The following FH variants were observed in gnomAD, a reference collection of about 807,000 sequenced individuals.
FH encodes fumarate hydratase, mitochondrial.
Under a neutral mutation model 49.4 loss-of-function variants are expected in FH, and 22 were observed. The ratio of observed to expected loss-of-function variants is 0.45; its 90% CI spans 0.32 to 0.64. The LOEUF is 0.64. Ranked by LOEUF, FH falls within the 30% of genes least tolerant of loss-of-function variation. The probability of loss-of-function intolerance (pLI) is 0.05; values close to 1 mark genes in which losing one functional copy is unlikely to be tolerated. For synonymous variants in FH, 208 were observed against 223.0 expected (o/e 0.93, Z 0.60); for missense variants, 526 against 641.5 (o/e 0.82, Z 1.95).
At chr1:241,514,230 GT>G (rs2147923439) in intron 2 of FH, among the ~76,000 whole-genome samples, 1 of 152,218 alleles carries the variant, frequency 6.6e-6, no homozygotes, top group East Asian at 1.9e-4. Flanking sequence ...GACTGACTGG[GT>G]TATCATTTCA....
chr1:241,519,254 C>A (rs1660301891), intron 1 of FH: 2 of 281,358 alleles, frequency 7.1e-6, no homozygotes, highest in Non-Finnish European at 1.4e-5. Context: ...GGGCTGGGGG[C>A]CTGCGCGCCA....
At chr1:241,516,020 G>A (rs1660202201) in intron 2 of FH, among the ~76,000 whole-genome samples, 1 of 152,100 alleles carries the variant, frequency 6.6e-6, no homozygotes. Context: ...ATACTTTGAT[G>A]TGTTTGTGTA....
At chr1:241,511,825 T>C in intron 4 of FH, 142 bp downstream of exon 4, 1 of 794,024 alleles carries the variant, frequency 1.3e-6, no homozygotes, top group African/African-American at 1.7e-5. Context: ...CCAAGATTCC[T>C]TCAAGAAATA....
At chr1:241,502,155 C>T (rs188735691) in intron 8 of FH, among the ~76,000 whole-genome samples, 120 of 152,182 alleles carry the variant, frequency 7.9e-4, no homozygotes, top group African/African-American at 2.8e-3. Context: ...TCCAAGAAGA[C>T]TGAATTTGAA....
rs1659658626 is a variant in FH, at chr1:241,497,778, T to G, written c.*50A>C. On this transcript the variant is annotated 3_prime_UTR_variant, in exon 10 of 10. Coordinates refer to ENST00000366560, the MANE Select transcript of FH (RefSeq NM_000143.4). Reference sequence around the variant, plus strand: ...TATCCGTTTTTAAGAAATGGGAGTCTGTTTTTTTAAATTTTATACATGTTT... The same window carrying G: ...TATCCGTTTTTAAGAAATGGGAGTCGGTTTTTTTAAATTTTATACATGTTT... The G allele has an allele frequency of 1.3e-6, 2 of 1,495,376 alleles. No homozygotes were observed. The highest frequency in any genetic ancestry group is 1.8e-6 in the Non-Finnish European group (2 of 1,101,758). 92.6% of individuals were successfully genotyped at this position (1,495,376 alleles called of 1,614,324 possible). A position where few individuals can be genotyped will look rare whatever the true frequency, so the allele number is the denominator to read the frequency against.
intron 5 of FH, among the ~76,000 whole-genome samples, chr1:241,508,303 A>T (rs1659980641): frequency 6.6e-6 from 1 of 152,218 alleles, no homozygotes; most frequent in Non-Finnish European, 1.5e-5. Context: ...CTCATTTTGT[A>T]GCTCAGAAAA....
chr1:241,499,838 C>T (rs1158402335), intron 9 of FH, among the ~76,000 whole-genome samples: 2 of 152,076 alleles, frequency 1.3e-5, no homozygotes, highest in East Asian at 3.9e-4. Flanking sequence ...GTCTACTACC[C>T]AAATCTGTAT....
In FH at chr1:241,502,536, G is replaced by C. The variant is rs1659808035; in HGVS notation, c.1143C>G (p.Thr381=). Residue 381 remains threonine (T), a synonymous_variant, in exon 8 of 10, where the codon ACC becomes ACG. Coordinates refer to ENST00000366560, the MANE Select transcript of FH (RefSeq NM_000143.4). ...KVNPTQCEAM[T]MVAAQVMGNH... ...TCCCCATGACTTGGGCTGCAACCAT[G>C]GTCATTGCTTCACACTGAGTAGGGT... The C allele has an allele frequency of 6.2e-7, 1 of 1,614,116 alleles. No individual in the cohort carries two copies. The highest frequency in any genetic ancestry group is 8.5e-7 in the Non-Finnish European group (1 of 1,179,964).
At chr1:241,506,808 G>C (rs969462898) in intron 5 of FH, among the ~76,000 whole-genome samples, 3 of 152,124 alleles carry the variant, frequency 2.0e-5, no homozygotes, top group African/African-American at 7.2e-5. Flanking sequence ...TCCAAATTTT[G>C]ACATGCCTTA....
At chr1:241,498,413 G>C (rs1276254974) in intron 9 of FH, among the ~76,000 whole-genome samples, 1 of 151,942 alleles carries the variant, frequency 6.6e-6, no homozygotes, top group East Asian at 1.9e-4. Flanking sequence ...ACTGTGGTGA[G>C]TGGCTCTGAG....
intron 6 of FH, among the ~76,000 whole-genome samples, chr1:241,504,912 CTTTT>C (rs780370447): frequency 2.9e-5 from 4 of 138,536 alleles, no homozygotes; most frequent in Non-Finnish European, 6.3e-5. Context: ...TACCTTTTTT[CTTTT>C]TTTTTTTTTT....
rs1463008959 is a variant in FH at position 241,519,680 on chromosome 1, C to G, written c.43G>C (p.Val15Leu). 6.5e-7 allele frequency: 1 copy of G among 1,547,074 alleles called. No individual in the cohort carries two copies. Among genetic ancestry groups the G allele is most frequent in the Non-Finnish European group, 8.7e-7 (1 of 1,146,024 alleles). ...LRLLARSRPL[V>L]RAPAAALASA... ...GCTAAGGCTGCGGCTGGAGCCCGCA[C>G]GAGGGGACGCGAGCGCGCGAGGAGC... is the stretch of plus-strand genomic sequence containing the variant. Residue 15 changes from valine (V) to leucine (L), a missense_variant, in exon 1 of 10, where the codon GTG (valine) becomes CTG (leucine). By Grantham distance (32) the Val-to-Leu change is conservative (BLOSUM62 1). Around this residue, in one of 2 missense-constraint regions of FH, gnomAD observed 143 missense variants for 127.5 expected, o/e 1.12. Transcript: ENST00000366560.
chr1:241,498,562 A>G (rs1659681500), intron 9 of FH, among the ~76,000 whole-genome samples: 1 of 151,482 alleles, frequency 6.6e-6, no homozygotes, highest in African/African-American at 2.4e-5. Flanking sequence ...CAGACATTAC[A>G]GGGACACAAA....
intron 6 of FH, 89 bp from the exon 7 acceptor site, chr1:241,504,334 T>C (rs1040369584): frequency 3.2e-6 from 4 of 1,240,148 alleles, no homozygotes; most frequent in African/African-American, 1.5e-5. Flanking sequence ...AGTTCCAATA[T>C]ACGAAAAAAT....
chr1:241,509,556 T>C (rs994860242), intron 4 of FH, among the ~76,000 whole-genome samples: 7 of 152,200 alleles, frequency 4.6e-5, no homozygotes, highest in Admixed American at 1.3e-4. Context: ...GGAGGATCAA[T>C]TGAGGCCAGG....
chr1:241,518,048 A>G, intron 1 of FH, among the ~76,000 whole-genome samples: 1 of 152,192 alleles, frequency 6.6e-6, no homozygotes, highest in East Asian at 1.9e-4. Context: ...GGGCCTGGTA[A>G]GTGGAAGGCA....
chr1:241,510,668 A>G (rs1660060796), intron 4 of FH, among the ~76,000 whole-genome samples: 1 of 152,172 alleles, frequency 6.6e-6, no homozygotes, highest in Non-Finnish European at 1.5e-5. Flanking sequence ...AAGTTTAAGG[A>G]AAAAGAAGAT....
chr1:241,497,700 T>C lies in FH; in HGVS notation c.*128A>G. On this transcript the variant is annotated 3_prime_UTR_variant, in exon 10 of 10. Coordinates refer to ENST00000366560, the MANE Select transcript of FH (RefSeq NM_000143.4). ...CACATCCTAGGGTTTTATATACTGA[T>C]CAAATTGCTCTGCTAGAGATGCTTA... The C allele has an allele frequency of 1.3e-6, 1 of 776,794 alleles. No homozygotes were observed. Among genetic ancestry groups the C allele is most frequent in the Non-Finnish European group, 2.1e-6 (1 of 480,052 alleles). The allele number at this position is 776,794 out of a possible 1,614,324, so 48.1% of individuals were successfully genotyped here.
intron 7 of FH, 26 bp from the exon 8 acceptor site, chr1:241,502,596 G>A (rs2147915082): frequency 6.2e-7 from 1 of 1,612,814 alleles, no homozygotes; most frequent in Non-Finnish European, 8.5e-7. Flanking sequence ...CAATGACAGA[G>A]TAAAGACTAA....
Sources: allele counts gnomAD v4.1 joint callset (sites outside exome capture counted in the v4.1 genomes callset), GRCh38; gene constraint gnomAD v4.1.1; regional missense constraint gnomAD v4.1.1; transcripts MANE v1.5; gene names NCBI Gene and HGNC (gene_info 2026-07-23, HGNC 2026-07-21).